Variants in OCA2 observed in about 807,000 individuals in gnomAD.
OCA2 encodes the protein OCA2 melanosomal transmembrane protein.
OCA2 carries 77 observed loss-of-function variants against 100.2 expected under a neutral mutation model. The ratio of observed to expected loss-of-function variants is 0.77; its 90% CI spans 0.64 to 0.93. The LOEUF is 0.93. Among genes scored for constraint, OCA2 ranks in the 40% least tolerant of loss-of-function variants. OCA2 has a pLI of 0.00. For missense variants in OCA2, 1,062 were observed against 1,089.1 expected, an observed-to-expected ratio of 0.98 and a Z score of 0.35; for synonymous variants, 432 against 439.2, an observed-to-expected ratio of 0.98 and a Z score of 0.21.
intron 9 of OCA2, among the ~76,000 whole-genome samples, chr15:28,009,723 CACACAA>C (rs1265580270): frequency 7.4e-5 from 11 of 148,948 alleles, no homozygotes; most frequent in African/African-American, 2.0e-4. Flanking sequence ...CACACACACA[CACACAA>C]AGTCAACAAA....
rs556122682 is a variant in OCA2 at position 27,784,367 on chromosome 15, C to T, written c.2433-28895G>A. ...TCCTCCTGGCTAGCCTGAATCAAAA[C>T]CCCACCTTAAAGGCCTAATGGAAGG... On this transcript the variant is annotated intron_variant, in intron 23 of 23. Coordinates refer to ENST00000354638, the MANE Select transcript of OCA2 (RefSeq NM_000275.3). Among the ~76,000 whole-genome samples the T allele has an allele frequency of 5.3e-5, 8 of 152,200 alleles. No homozygotes were observed. The South Asian group carries it at 1.7e-3, about 32-fold the overall frequency.
rs10651380 is a variant in OCA2, at chr15:27,960,590, C to CTCTATCTATCTA, written c.1637-2867_1637-2856dup. ...CTGCTTAATCATAAAACACCATTTGCTCTATCTATCTATCTATCTATCTAT... is the reference window on the plus strand; with the variant it reads ...CTGCTTAATCATAAAACACCATTTGCTCTATCTATCTATCTATCTATCTATCTATCTATCTAT... On this transcript the variant is annotated intron_variant, in intron 15 of 23. Transcript: ENST00000354638. Among the ~76,000 whole-genome samples the CTCTATCTATCTA allele has an allele frequency of 7.6e-4, 115 of 151,840 alleles. 1 individual carries two copies. Among genetic ancestry groups the CTCTATCTATCTA allele is most frequent in the African/African-American group, 2.4e-3 (101 of 41,280 alleles).
intron 2 of OCA2, among the ~76,000 whole-genome samples, chr15:28,058,550 C>T (rs573044144): frequency 8.5e-5 from 13 of 152,284 alleles, no homozygotes; most frequent in African/African-American, 3.1e-4. Flanking sequence ...TTCTGGACTC[C>T]CTGTCACCTC....
chr15:28,093,462 G>A (rs946748642), intron 1 of OCA2, among the ~76,000 whole-genome samples: 1 of 151,826 alleles, frequency 6.6e-6, no homozygotes, highest in Non-Finnish European at 1.5e-5. Flanking sequence ...AACACCGCCA[G>A]CTGCCTAGGA....
At chr15:28,087,139 G>C (rs1465362382) in intron 1 of OCA2, among the ~76,000 whole-genome samples, 1 of 151,932 alleles carries the variant, frequency 6.6e-6, no homozygotes, top group Non-Finnish European at 1.5e-5. Flanking sequence ...ATATATAGTG[G>C]GCAAAATTTT....
chr15:27,946,089 G>A (rs950450212), intron 18 of OCA2, among the ~76,000 whole-genome samples: 3 of 152,196 alleles, frequency 2.0e-5, no homozygotes, highest in African/African-American at 2.4e-5. Context: ...AATCATGCTC[G>A]GATGACAGGG....
At chr15:28,069,770 C>T (rs1324841858) in intron 2 of OCA2, among the ~76,000 whole-genome samples, 6 of 140,536 alleles carry the variant, frequency 4.3e-5, no homozygotes, top group South Asian at 2.3e-4. Context: ...ACCTCCCAGC[C>T]GCCTGCCTTG....
intron 6 of OCA2, among the ~76,000 whole-genome samples, chr15:28,018,888 C>T (rs780669969): frequency 2.0e-5 from 3 of 152,192 alleles, no homozygotes; most frequent in South Asian, 2.1e-4. Flanking sequence ...CCTCCCGGCC[C>T]GTTTCCTGCG....
At chr15:28,082,296 A>G (rs1158085507) in intron 1 of OCA2, among the ~76,000 whole-genome samples, 3 of 152,160 alleles carry the variant, frequency 2.0e-5, no homozygotes. Flanking sequence ...GGCTACCCCA[A>G]CACGCTGGAC....
chr15:27,930,899 T>C (rs1193438311), intron 18 of OCA2, among the ~76,000 whole-genome samples: 4 of 152,126 alleles, frequency 2.6e-5, no homozygotes, highest in African/African-American at 9.7e-5. Flanking sequence ...CAAGATGTGC[T>C]TAGAACACTA....
chr15:27,828,733 C>T (rs1186634580), intron 23 of OCA2, among the ~76,000 whole-genome samples: 2 of 152,162 alleles, frequency 1.3e-5, no homozygotes, highest in African/African-American at 2.4e-5. Context: ...GGACAAACTC[C>T]TATTCCAGGT....
chr15:27,911,381 C>A (rs576877648), intron 19 of OCA2, among the ~76,000 whole-genome samples: 1 of 152,070 alleles, frequency 6.6e-6, no homozygotes, highest in Non-Finnish European at 1.5e-5. Context: ...TGCCACTGCA[C>A]TTCAAGCACA....
chr15:27,727,893 G>A, the OCA2 span, among the ~76,000 whole-genome samples: 2 of 152,202 alleles, frequency 1.3e-5, no homozygotes, highest in Non-Finnish European at 2.9e-5. Flanking sequence ...AAACACATCT[G>A]CAAAGTCTCC....
At chr15:27,974,348 C>T (rs1595746860) in intron 14 of OCA2, among the ~76,000 whole-genome samples, 1 of 152,278 alleles carries the variant, frequency 6.6e-6, no homozygotes, top group East Asian at 1.9e-4. Context: ...TATGGCTGTG[C>T]TGTCACTATT....
intron 23 of OCA2, among the ~76,000 whole-genome samples, chr15:27,816,916 T>C (rs1216395194): frequency 6.6e-6 from 1 of 152,094 alleles, no homozygotes; most frequent in Non-Finnish European, 1.5e-5. Flanking sequence ...CTGCAGTGAT[T>C]GATAAGATGG....
chr15:28,035,524 G>A (rs2043022742), intron 2 of OCA2, among the ~76,000 whole-genome samples: 1 of 152,138 alleles, frequency 6.6e-6, no homozygotes, highest in Non-Finnish European at 1.5e-5. Context: ...ACATTTTCCA[G>A]AGGTTGAAAA....
chr15:27,996,027 G>A (rs183298453), intron 9 of OCA2, among the ~76,000 whole-genome samples: 98 of 152,080 alleles, frequency 6.4e-4, no homozygotes, highest in African/African-American at 2.2e-3. Flanking sequence ...TGGCCAGGAT[G>A]GTCTTGAACT....
the OCA2 span, among the ~76,000 whole-genome samples, chr15:27,743,137 T>C: frequency 6.6e-6 from 1 of 152,174 alleles, no homozygotes; most frequent in Non-Finnish European, 1.5e-5. Context: ...AGAACCCTGG[T>C]ACCCTGGCTC....
chr15:27,893,806 C>T (rs961310546), intron 19 of OCA2, among the ~76,000 whole-genome samples: 2 of 152,086 alleles, frequency 1.3e-5, no homozygotes, highest in African/African-American at 4.8e-5. Flanking sequence ...GAACATAGAC[C>T]CTTATCAGTG....
Sources: gnomAD v4.1 joint callset for allele counts (sites outside exome capture counted in the v4.1 genomes callset) on GRCh38, gnomAD v4.1.1 for gene constraint, MANE v1.5 for transcripts, NCBI Gene and HGNC (gene_info 2026-07-23, HGNC 2026-07-21) for gene names.